CLIC5: variants seen among roughly 807,000 people sequenced by gnomAD.
CLIC5 encodes chloride intracellular channel protein 5.
Under a neutral mutation model 24.7 loss-of-function variants are expected in CLIC5, and 20 were observed. The ratio of observed to expected loss-of-function variants is 0.81; its 90% CI spans 0.57 to 1.18. CLIC5 has a LOEUF of 1.18. CLIC5 is among the 50% of genes most tolerant of loss of function. The pLI is 0.00. For synonymous variants in CLIC5, 159 were observed against 135.6 expected (o/e 1.17, Z -1.20); for missense variants, 341 against 326.1 (o/e 1.05, Z -0.35).
At chr6:45,919,330 A>G (rs1421544589) in intron 4 of CLIC5, among the ~76,000 whole-genome samples, 1 of 152,106 alleles carries the variant, frequency 6.6e-6, no homozygotes, top group Non-Finnish European at 1.5e-5. Flanking sequence ...GAAAGCGAAT[A>G]CAGGTTCTGC....
chr6:45,973,743 C>T (rs62400483), intron 1 of CLIC5, among the ~76,000 whole-genome samples: 13 of 151,672 alleles, frequency 8.6e-5, no homozygotes, highest in African/African-American at 3.1e-4. Context: ...TTGAGACCAT[C>T]CTGGACAACA....
At chr6:45,950,503 G>A (rs993933787) in intron 2 of CLIC5, among the ~76,000 whole-genome samples, 1 of 152,108 alleles carries the variant, frequency 6.6e-6, no homozygotes, top group African/African-American at 2.4e-5. Flanking sequence ...CCAGGAGTTC[G>A]AGGCAGTTGT....
At chr6:46,056,539 G>A (rs1038716639) in intron 1 of CLIC5, among the ~76,000 whole-genome samples, 3 of 152,158 alleles carry the variant, frequency 2.0e-5, no homozygotes, top group African/African-American at 7.2e-5. Context: ...ACAGCCAGCT[G>A]TGCCCATCTC....
chr6:45,902,810 A>G lies in CLIC5; in HGVS notation c.*278T>C. The G allele has an allele frequency of 2.1e-6, 1 of 468,512 alleles. No individual in the cohort carries two copies. Among genetic ancestry groups the G allele is most frequent in the South Asian group, 2.6e-5 (1 of 38,808 alleles). The allele number at this position is 468,512 out of a possible 1,614,324, so 29.0% of individuals were successfully genotyped here. On this transcript the variant is annotated 3_prime_UTR_variant, in exon 6 of 6. Coordinates refer to ENST00000339561, the MANE Select transcript of CLIC5 (RefSeq NM_016929.5). ...TGGCAATCCCATATGTGGGCTCTCC[A>G]ACACTGACTGACCCCAAACATGCTG...
upstream of CLIC5, among the ~76,000 whole-genome samples, chr6:46,084,209 T>C (rs993525777): frequency 4.2e-4 from 64 of 152,158 alleles, no homozygotes; most frequent in African/African-American, 1.5e-3. Flanking sequence ...AGCACCCTGA[T>C]GGGTCTTGAC....
intron 1 of CLIC5, among the ~76,000 whole-genome samples, chr6:46,036,382 T>C (rs1041174693): frequency 1.3e-4 from 19 of 148,140 alleles, no homozygotes; most frequent in Admixed American, 3.4e-4. Flanking sequence ...GCGGTCTCGG[T>C]TCACTGCAAG....
At chr6:45,953,603 G>T (rs1258480626) in intron 2 of CLIC5, among the ~76,000 whole-genome samples, 3 of 151,588 alleles carry the variant, frequency 2.0e-5, no homozygotes, top group African/African-American at 7.3e-5. Context: ...AAGAGTGTTG[G>T]GAAGAATGAA....
chr6:46,082,336 C>A, upstream of CLIC5, among the ~76,000 whole-genome samples: 1 of 152,208 alleles, frequency 6.6e-6, no homozygotes, highest in East Asian at 1.9e-4. Flanking sequence ...TTTTAGAACA[C>A]ATCTATCATG....
At chr6:46,114,135 C>T in the CLIC5 span, among the ~76,000 whole-genome samples, 2 of 152,090 alleles carry the variant, frequency 1.3e-5, no homozygotes, top group African/African-American at 2.4e-5. Context: ...GCCAGCAGCC[C>T]CAAGAGCTCT....
chr6:45,997,201 G>GT (rs1233810287), intron 1 of CLIC5, among the ~76,000 whole-genome samples: 1 of 151,026 alleles, frequency 6.6e-6, no homozygotes, highest in Non-Finnish European at 1.5e-5. Context: ...CATGTCCTTT[G>GT]TAGGGACATG....
At chr6:45,930,331 A>G (rs1217484337) in intron 4 of CLIC5, among the ~76,000 whole-genome samples, 2 of 152,158 alleles carry the variant, frequency 1.3e-5, no homozygotes, top group African/African-American at 4.8e-5. Flanking sequence ...TAGAAGGAGA[A>G]GAGGAAAGGG....
At chr6:45,960,750 T>C (rs918468975) in intron 1 of CLIC5, among the ~76,000 whole-genome samples, 4 of 152,200 alleles carry the variant, frequency 2.6e-5, no homozygotes, top group African/African-American at 9.7e-5. Flanking sequence ...CACTAACACC[T>C]AGATCCTGCT....
intron 4 of CLIC5, among the ~76,000 whole-genome samples, chr6:45,937,768 A>G (rs1296051211): frequency 6.6e-6 from 1 of 152,164 alleles, no homozygotes; most frequent in Admixed American, 6.5e-5. Context: ...TTACTCCAGT[A>G]CTGCTGGGAT....
chr6:46,047,474 T>C (rs1183783891), intron 1 of CLIC5, among the ~76,000 whole-genome samples: 1 of 152,214 alleles, frequency 6.6e-6, no homozygotes, highest in Non-Finnish European at 1.5e-5. Flanking sequence ...AGCTAGTCTG[T>C]GGGAAGTTCT....
intron 6 of CLIC5, among the ~76,000 whole-genome samples, chr6:45,883,142 T>G (rs1762276914): frequency 6.6e-6 from 1 of 152,162 alleles, no homozygotes; most frequent in African/African-American, 2.4e-5. Flanking sequence ...TTGTTTCAGA[T>G]CAGTGTCTTA....
the CLIC5 span, among the ~76,000 whole-genome samples, chr6:46,120,969 AG>A: frequency 6.6e-6 from 1 of 152,238 alleles, no homozygotes; most frequent in African/African-American, 2.4e-5. Context: ...GTTACCTGAA[AG>A]TGACGGGGAG....
At chr6:45,958,422 T>TATATA (rs1764717859) in intron 1 of CLIC5, among the ~76,000 whole-genome samples, 1 of 8,374 alleles carries the variant, frequency 1.2e-4, no homozygotes, top group Non-Finnish European at 3.0e-4. Context: ...AAAAAGACAA[T>TATATA]TATATATATA....
chr6:45,964,337 C>T (rs189023495), intron 1 of CLIC5, among the ~76,000 whole-genome samples: 97 of 152,296 alleles, frequency 6.4e-4, no homozygotes, highest in African/African-American at 2.2e-3. Context: ...TTTCCAATCC[C>T]GTATGTCCTT....
Position 45,899,840 on chromosome 6 carries a change from T to G in CLIC5, c.*3248A>C, listed in dbSNP as rs1246145620. On this transcript the variant is annotated 3_prime_UTR_variant, in exon 6 of 6. Transcript: ENST00000339561. ...AGGGAATGCTGAGGACAGGGCCATTTCCCAAGATAAAACTAGTTTGGGATC... is the reference window on the plus strand; with the variant it reads ...AGGGAATGCTGAGGACAGGGCCATTGCCCAAGATAAAACTAGTTTGGGATC... 6.6e-6 allele frequency: 1 copy of G among 152,210 alleles called. No homozygotes were observed. Among genetic ancestry groups the G allele is most frequent in the Non-Finnish European group, 1.5e-5 (1 of 68,038 alleles). The allele number at this position is 152,210 out of a possible 1,614,324, so 9.4% of individuals were successfully genotyped here.
Sources: gnomAD v4.1 joint callset for allele counts (sites outside exome capture counted in the v4.1 genomes callset) on GRCh38, gnomAD v4.1.1 for gene constraint, MANE v1.5 for transcripts, NCBI Gene and HGNC (gene_info 2026-07-23, HGNC 2026-07-21) for gene names.